CYP4Z1: variants seen among roughly 807,000 people sequenced by gnomAD.
The protein encoded by CYP4Z1 is cytochrome P450 4Z1.
A neutral mutation model predicts 54.2 loss-of-function variants in CYP4Z1; 41 were observed. The observed-to-expected ratio is 0.76, with a 90% CI of 0.59 to 0.98. The LOEUF is 0.98. CYP4Z1 is among the 50% of genes least tolerant of loss of function. The probability of loss-of-function intolerance (pLI) is 0.00; values close to 1 mark genes in which losing one functional copy is unlikely to be tolerated. For synonymous variants in CYP4Z1, 163 were observed against 206.2 expected (o/e 0.79, Z 1.79); for missense variants, 513 against 599.0 (o/e 0.86, Z 1.50).
chr1:47,100,768 A>G (rs1644715328), intron 8 of CYP4Z1, among the ~76,000 whole-genome samples: 1 of 152,234 alleles, frequency 6.6e-6, no homozygotes, highest in Non-Finnish European at 1.5e-5. Context: ...AAAACAGTAT[A>G]TACAAAGTTC....
chr1:47,068,508 G>C (rs1644467124), intron 1 of CYP4Z1, 114 bp from the exon 2 acceptor site: 1 of 1,351,844 alleles, frequency 7.4e-7, no homozygotes, highest in Non-Finnish European at 1.0e-6. Context: ...ATGTGAACCT[G>C]TCTGATGGGG....
intron 7 of CYP4Z1, among the ~76,000 whole-genome samples, chr1:47,098,226 G>T (rs1418990781): frequency 6.6e-6 from 1 of 152,196 alleles, no homozygotes; most frequent in Non-Finnish European, 1.5e-5. Flanking sequence ...CCATTTTCAT[G>T]ATATTGATTC....
intron 8 of CYP4Z1, 38 bp downstream of exon 8, chr1:47,099,322 C>G (rs565849179): frequency 6.6e-7 from 1 of 1,517,488 alleles, no homozygotes; most frequent in African/African-American, 1.4e-5. Context: ...GAATTTTCCC[C>G]TTATACATTT....
At chr1:47,079,612 A>G (rs1252114704) in intron 2 of CYP4Z1, among the ~76,000 whole-genome samples, 1 of 152,256 alleles carries the variant, frequency 6.6e-6, no homozygotes, top group Non-Finnish European at 1.5e-5. Context: ...CCCATTTCTG[A>G]AGAAATGCCA....
intron 7 of CYP4Z1, among the ~76,000 whole-genome samples, chr1:47,095,945 C>A (rs1473105369): frequency 2.0e-5 from 3 of 152,072 alleles, no homozygotes; most frequent in Non-Finnish European, 4.4e-5. Flanking sequence ...TAAATAGATA[C>A]TCTGTGAGGG....
At chr1:47,076,515 C>A (rs1242354934) in intron 2 of CYP4Z1, among the ~76,000 whole-genome samples, 8 of 151,836 alleles carry the variant, frequency 5.3e-5, no homozygotes, top group Non-Finnish European at 4.4e-5. Context: ...TTTCTAATGT[C>A]TTTTATGATT....
In CYP4Z1 at chr1:47,076,901, C is replaced by T. The variant is rs561765792; in HGVS notation, c.320-3722C>T. ...AATATTCATGTTTTGTGAATTTTCC[C>T]GTTTTACTTCTGATATTGATTTCTA... On this transcript the variant is annotated intron_variant, in intron 2 of 11. Coordinates refer to ENST00000334194, the MANE Select transcript of CYP4Z1 (RefSeq NM_178134.3). Among the ~76,000 whole-genome samples the T allele has an allele frequency of 1.5e-4, 22 of 149,112 alleles. No individual in the cohort carries two copies. The East Asian group carries it at 4.4e-3, about 30-fold the overall frequency.
chr1:47,117,135 G>A (rs1644836010), intron 11 of CYP4Z1, among the ~76,000 whole-genome samples: 1 of 152,152 alleles, frequency 6.6e-6, no homozygotes, highest in African/African-American at 2.4e-5. Context: ...TTTGGTATGA[G>A]AGACACCCGA....
chr1:47,064,482 C>T (rs188213411), upstream of CYP4Z1, among the ~76,000 whole-genome samples: 1 of 152,152 alleles, frequency 6.6e-6, no homozygotes, highest in Non-Finnish European at 1.5e-5. Context: ...TAGTCTTTTC[C>T]AGACAAACAA....
At chr1:47,063,927 G>C (rs1036063885), upstream of CYP4Z1, among the ~76,000 whole-genome samples, 2 of 152,050 alleles carry the variant, frequency 1.3e-5, no homozygotes, top group East Asian at 3.9e-4. Flanking sequence ...TCATCACCTA[G>C]GCACATAGCC....
chr1:47,083,803 C>T (rs2148529726), intron 4 of CYP4Z1, among the ~76,000 whole-genome samples: 1 of 152,254 alleles, frequency 6.6e-6, no homozygotes, highest in East Asian at 1.9e-4. Context: ...TTGCAATGCC[C>T]TTACCCACAT....
chr1:47,065,110 A>G (rs563805823), upstream of CYP4Z1, among the ~76,000 whole-genome samples: 234 of 152,338 alleles, frequency 1.5e-3, no homozygotes, highest in Non-Finnish European at 2.7e-3. Flanking sequence ...CATGGACAGC[A>G]CTAGACCGGT....
intron 7 of CYP4Z1, among the ~76,000 whole-genome samples, chr1:47,095,478 C>T (rs1644670747): frequency 6.6e-6 from 1 of 152,148 alleles, no homozygotes; most frequent in African/African-American, 2.4e-5. Context: ...ACTATTGTTG[C>T]ACACCAGGCT....
chr1:47,099,086 T>C lies in CYP4Z1; in HGVS notation c.877-8T>C, dbSNP rs750074326. On this transcript the variant is annotated splice_polypyrimidine_tract_variant and splice_region_variant and intron_variant, in intron 7 of 11. Transcript: ENST00000334194. ...GCTTTGGATAAAGATCATCACTGTATTTTTTAGAGCGAAAACACCAAAGAT... is the reference window on the plus strand; with the variant it reads ...GCTTTGGATAAAGATCATCACTGTACTTTTTAGAGCGAAAACACCAAAGAT... 1 of 1,614,024 alleles carries C rather than the reference T, an allele frequency of 6.2e-7. No individual in the cohort carries two copies. Among genetic ancestry groups the C allele is most frequent in the Non-Finnish European group, 8.5e-7 (1 of 1,179,898 alleles).
rs1644825331 is a variant in CYP4Z1 at position 47,115,687 on chromosome 1, A to T, written c.1266+94A>T. 17 of 1,207,342 alleles carry T rather than the reference A, an allele frequency of 1.4e-5. No individual in the cohort carries two copies. In the South Asian group the frequency reaches 2.2e-4, roughly 16 times the overall value. 74.8% of individuals were successfully genotyped at this position (1,207,342 alleles called of 1,614,324 possible). A position where few individuals can be genotyped will look rare whatever the true frequency, so the allele number is the denominator to read the frequency against. ...AGTTGAGAGAGCAGTTAGGATAACG[A>T]TCTGTCATTTAGAAAAGAACAAAAC... is the stretch of plus-strand genomic sequence containing the variant. On this transcript the variant is annotated intron_variant, in intron 10 of 11. Coordinates refer to ENST00000334194, the MANE Select transcript of CYP4Z1 (RefSeq NM_178134.3).
chr1:47,055,650 G>A, the CYP4Z1 span, among the ~76,000 whole-genome samples: 800 of 152,248 alleles, frequency 5.3e-3, 6 homozygotes, highest in African/African-American at 0.018. Flanking sequence ...AGTCTTGGGA[G>A]GGTGTATGTG....
chr1:47,099,341 C>A (rs1237713022), intron 8 of CYP4Z1, 57 bp downstream of exon 8: 3 of 1,453,992 alleles, frequency 2.1e-6, no homozygotes, highest in Non-Finnish European at 2.8e-6. Context: ...TTGATTATTT[C>A]TCTCTTCCGG....
At chr1:47,069,397 AATGCCTCC>A (rs1243981962) in intron 2 of CYP4Z1, among the ~76,000 whole-genome samples, 12 of 152,146 alleles carry the variant, frequency 7.9e-5, no homozygotes, top group Middle Eastern at 3.4e-3. Context: ...TCAGTTATAA[AATGCCTCC>A]ATACCACTCT....
chr1:47,056,037 G>C, the CYP4Z1 span, among the ~76,000 whole-genome samples: 1 of 151,894 alleles, frequency 6.6e-6, no homozygotes, highest in Non-Finnish European at 1.5e-5. Context: ...TATCTTTCCT[G>C]CTTTCTCTTG....
Sources: gnomAD v4.1 joint callset for allele counts (sites outside exome capture counted in the v4.1 genomes callset) on GRCh38, gnomAD v4.1.1 for gene constraint, MANE v1.5 for transcripts, NCBI Gene and HGNC (gene_info 2026-07-23, HGNC 2026-07-21) for gene names.